ZW10: variants seen among roughly 807,000 people sequenced by gnomAD.
ZW10 encodes the protein centromere/kinetochore protein zw10 homolog.
In ZW10, 53 loss-of-function variants were observed where a neutral mutation model predicts 87.8. The ratio of observed to expected loss-of-function variants is 0.60; its 90% CI spans 0.48 to 0.76. The LOEUF (loss-of-function observed/expected upper bound fraction) is 0.76, where lower values mean the gene tolerates loss of function less well. ZW10 is among the 30% of genes least tolerant of loss of function. The probability of loss-of-function intolerance (pLI) is 0.00; values close to 1 mark genes in which losing one functional copy is unlikely to be tolerated. For synonymous variants in ZW10, 312 were observed against 329.2 expected (o/e 0.95, Z 0.57); for missense variants, 837 against 923.0 (o/e 0.91, Z 1.21).
At chr11:113,756,072 C>T (rs1355740974) in intron 7 of ZW10, among the ~76,000 whole-genome samples, 2 of 152,118 alleles carry the variant, frequency 1.3e-5, no homozygotes, top group African/African-American at 2.4e-5. Context: ...CCCGCAATAT[C>T]TCTGAGGTAT....
chr11:113,770,912 G>C (rs1953958567), intron 1 of ZW10, among the ~76,000 whole-genome samples: 1 of 150,258 alleles, frequency 6.7e-6, no homozygotes, highest in Non-Finnish European at 1.5e-5. Context: ...GTTGCACGTT[G>C]CACACAGGCT....
chr11:113,764,968 G>T (rs75952975), intron 2 of ZW10, among the ~76,000 whole-genome samples: 3 of 152,126 alleles, frequency 2.0e-5, no homozygotes, highest in Non-Finnish European at 4.4e-5. Flanking sequence ...TTTTTAACAG[G>T]AAGTGATTTT....
chr11:113,767,046 C>T (rs1435639275), intron 2 of ZW10, among the ~76,000 whole-genome samples: 1 of 151,970 alleles, frequency 6.6e-6, no homozygotes, highest in East Asian at 1.9e-4. Context: ...ATCCATGAAA[C>T]TTTAGCAGGC....
At chr11:113,769,642 A>G in intron 1 of ZW10, 1 of 275,918 alleles carries the variant, frequency 3.6e-6, no homozygotes, top group Non-Finnish European at 7.5e-6. Context: ...AGATGCGGGA[A>G]GCCGGACTCC....
chr11:113,745,093 A>G (rs1953665300), intron 9 of ZW10, among the ~76,000 whole-genome samples: 1 of 136,460 alleles, frequency 7.3e-6, no homozygotes, highest in African/African-American at 2.5e-5. Context: ...TCCTCCCCTT[A>G]TTAAAAAAAA....
intron 15 of ZW10, among the ~76,000 whole-genome samples, chr11:113,736,286 A>AT (rs1477704332): frequency 3.3e-5 from 5 of 151,758 alleles, no homozygotes; most frequent in Non-Finnish European, 2.9e-5. Flanking sequence ...AAAAAAAAAA[A>AT]GCATCCACTG....
chr11:113,753,860 T>C (rs1208113295), intron 7 of ZW10, among the ~76,000 whole-genome samples: 1 of 152,228 alleles, frequency 6.6e-6, no homozygotes, highest in African/African-American at 2.4e-5. Flanking sequence ...AGGCTGAAGC[T>C]AGCAGAGTTT....
chr11:113,750,083 T>G (rs1953719420), intron 7 of ZW10, among the ~76,000 whole-genome samples: 1 of 152,214 alleles, frequency 6.6e-6, no homozygotes, highest in South Asian at 2.1e-4. Context: ...ATTATTCTTT[T>G]TCTAGATTAA....
rs1345761360 is a variant in ZW10 at position 113,743,938 on chromosome 11, T to A, written c.1375A>T (p.Met459Leu). ...AATGTATTTTCAGGCTCTAAATTCA[T>A]CACTTCGTGGTACTGAGTATTGGAT... ...KVSNTQYHEV[M>L]NLEPENTLDQ... Residue 459 changes from methionine to leucine, a missense_variant, in exon 10 of 16, where the codon ATG (methionine) becomes TTG (leucine). Transcript: ENST00000200135. The A allele has an allele frequency of 1.2e-6, 2 of 1,614,240 alleles. No homozygotes were observed. The highest frequency in any genetic ancestry group is 1.1e-5 in the South Asian group (1 of 91,090).
In ZW10 at chr11:113,733,681, TAAG is replaced by T. The variant is rs1309326052; in HGVS notation, c.*10_*12del. ...CCACATATTCAAGACATAGCTTTCT[TAAG>T]AAGATGGAGCTATTTAATTTTAGCA... is the stretch of plus-strand genomic sequence containing the variant. On this transcript the variant is annotated 3_prime_UTR_variant, in exon 16 of 16. Coordinates refer to ENST00000200135, the MANE Select transcript of ZW10 (RefSeq NM_004724.4). 2.5e-6 allele frequency: 4 copies of T among 1,613,886 alleles called. No individual in the cohort carries two copies. The highest frequency in any genetic ancestry group is 1.3e-5 in the African/African-American group (1 of 75,048).
intron 12 of ZW10, 78 bp from the exon 13 acceptor site, chr11:113,738,472 C>T: frequency 7.2e-7 from 1 of 1,386,944 alleles, no homozygotes. Flanking sequence ...ACAAGAGATG[C>T]ATAAACCATG....
In ZW10 at chr11:113,733,784, A is replaced by G. The variant is rs1316625015; in HGVS notation, c.2250T>C (p.Ala750=). ...RWADGKGPLA[A]AFSSSEVKAL... Reference sequence around the variant, plus strand: ...CTTTTACTTCACTGGAAGAGAACGCAGCTGCCAGGGGTCCTTTTCCATCTG... The same window carrying G: ...CTTTTACTTCACTGGAAGAGAACGCGGCTGCCAGGGGTCCTTTTCCATCTG... The change falls in exon 16 of 16, where the codon GCT becomes GCC. Residue 750 remains alanine (A), a synonymous_variant. Transcript: ENST00000200135. The G allele has an allele frequency of 1.2e-6, 2 of 1,611,944 alleles. No homozygotes were observed. The highest frequency in any genetic ancestry group is 1.7e-6 in the Non-Finnish European group (2 of 1,178,584).
chr11:113,760,823 C>T lies in ZW10; in HGVS notation c.336G>A (p.Leu112=), dbSNP rs1953851404. 6.2e-7 allele frequency: 1 copy of T among 1,613,726 alleles called. No individual in the cohort carries two copies. The highest frequency in any genetic ancestry group is 1.3e-5 in the African/African-American group (1 of 74,880). The change falls in exon 3 of 16, where the codon TTG becomes TTA. Residue 112 remains leucine (L), a synonymous_variant. Transcript: ENST00000200135. ...DSVVLSLLKQ[L]QEFSTAIEEY... is the part of the protein sequence containing the mutation. Reference sequence around the variant, plus strand: ...TCAAGTTGAGTTTACTGACCTCCTGCAACTGTTTAAGCAAACTTAGGACAA... The same window carrying T: ...TCAAGTTGAGTTTACTGACCTCCTGTAACTGTTTAAGCAAACTTAGGACAA...
chr11:113,736,146 G>C (rs1264030668), intron 15 of ZW10, among the ~76,000 whole-genome samples: 1 of 151,818 alleles, frequency 6.6e-6, no homozygotes, highest in Non-Finnish European at 1.5e-5. Context: ...GTGGTGGTAG[G>C]CACCTGTAAT....
chr11:113,771,297 G>T (rs530511032), intron 1 of ZW10: 26 of 152,384 alleles, frequency 1.7e-4, no homozygotes, highest in African/African-American at 6.0e-4. Context: ...TTGAGCATAG[G>T]GTACAGAAGC....
intron 12 of ZW10, among the ~76,000 whole-genome samples, 200 bp downstream of exon 12, chr11:113,739,013 A>C (rs7481349): frequency 3.9e-5 from 6 of 152,296 alleles, no homozygotes; most frequent in Admixed American, 3.9e-4. Flanking sequence ...ACAAAAAAGT[A>C]AAAAAGTCTC....
chr11:113,736,674 G>A lies in ZW10; in HGVS notation c.2165C>T (p.Pro722Leu), dbSNP rs758976393. 3 of 1,614,140 alleles carry A rather than the reference G, an allele frequency of 1.9e-6. No homozygotes were observed. The highest frequency in any genetic ancestry group is 2.5e-6 in the Non-Finnish European group (3 of 1,180,024). ...TAGCATCATCATCAATTCCTTGAATGGCATCCATTTTGGCACATAGACTGG... is the reference window on the plus strand; with the variant it reads ...TAGCATCATCATCAATTCCTTGAATAGCATCCATTTTGGCACATAGACTGG... The part of the protein sequence containing the change: ...EVPVYVPKWM[P>L]FKELMMMLQA... The change falls in exon 15 of 16, where the codon CCA becomes CTA. Residue 722 changes from proline to leucine, a missense_variant. Transcript: ENST00000200135.
chr11:113,770,391 ATTTT>A (rs754385071), intron 1 of ZW10: 11,658 of 138,434 alleles, frequency 0.084, 548 homozygotes, highest in African/African-American at 0.14. Context: ...GCCCAGCCTA[ATTTT>A]TTTTTTTTTT....
chr11:113,773,470 G>GTC (rs1274216785), intron 1 of ZW10, 92 bp downstream of exon 1: 1 of 1,080,802 alleles, frequency 9.3e-7, no homozygotes, highest in East Asian at 2.5e-5. Flanking sequence ...TCCCCACTCT[G>GTC]TCTGCCCTTA....
Sources: gnomAD v4.1 joint callset for allele counts (sites outside exome capture counted in the v4.1 genomes callset) on GRCh38, gnomAD v4.1.1 for gene constraint, MANE v1.5 for transcripts, NCBI Gene and HGNC (gene_info 2026-07-23, HGNC 2026-07-21) for gene names.